Variants in LANCL3 observed in about 807,000 individuals in gnomAD.
LANCL3 encodes LanC like family member 3.
A neutral mutation model predicts 26.5 loss-of-function variants in LANCL3; 19 were observed. The observed-to-expected ratio is 0.72, with a 90% CI of 0.50 to 1.05. LANCL3 has a LOEUF of 1.05. Among genes scored for constraint, LANCL3 ranks in the 50% least tolerant of loss-of-function variants. The pLI is 0.00. For synonymous variants in LANCL3, 160 were observed against 166.6 expected (o/e 0.96, Z 0.30); for missense variants, 318 against 362.7 (o/e 0.88, Z 1.00).
At chrX:37,653,841 A>G (rs1373389383) in intron 1 of LANCL3, among the ~76,000 whole-genome samples, 2 of 110,856 alleles carry the variant, frequency 1.8e-5, no homozygotes, top group Non-Finnish European at 3.8e-5. Flanking sequence ...TAGGAGGAGT[A>G]CACTTAAGAG....
intron 1 of LANCL3, among the ~76,000 whole-genome samples, chrX:37,609,243 T>C (rs1924796755): frequency 2.7e-5 from 3 of 112,024 alleles, no homozygotes; most frequent in African/African-American, 6.5e-5. Context: ...AGATGCCGTC[T>C]TTATTGTACC....
In LANCL3 at chrX:37,681,669, A is replaced by T. The variant is rs1250333772; in HGVS notation, c.*5856A>T. On this transcript the variant is annotated 3_prime_UTR_variant, in exon 5 of 5. Transcript: ENST00000378619. ...AAAGATTGAGTAAACTCTCCTGGGT[A>T]AAAAAACCTGTTTGACGTTGTTTAG... 1 of 112,229 alleles carries T rather than the reference A, an allele frequency of 8.9e-6. No individual in the cohort carries two copies. Among genetic ancestry groups the T allele is most frequent in the Non-Finnish European group, 1.9e-5 (1 of 53,198 alleles). The allele number at this position is 112,229 out of a possible 1,213,427, so 9.2% of individuals were successfully genotyped here. A position where few individuals can be genotyped will look rare whatever the true frequency, so the allele number is the denominator to read the frequency against.
In LANCL3 at chrX:37,655,632, G is replaced by T. The variant is rs1228712860; in HGVS notation, c.574-56G>T. ...GACTTCTTAAGCAAGAAAATTCAGT[G>T]TCTAAGGAAAAAGGAGATCCTGCTT... On this transcript the variant is annotated intron_variant, in intron 1 of 4. Transcript: ENST00000378619. The T allele has an allele frequency of 2.8e-6, 3 of 1,076,855 alleles. No homozygotes were observed. In the African/African-American group the frequency reaches 5.7e-5, roughly 20 times the overall value. The allele number at this position is 1,076,855 out of a possible 1,213,427, so 88.7% of individuals were successfully genotyped here.
intron 1 of LANCL3, among the ~76,000 whole-genome samples, chrX:37,640,076 A>G (rs1925824052): frequency 8.9e-6 from 1 of 112,255 alleles, no homozygotes; most frequent in South Asian, 3.7e-4. Flanking sequence ...CAAATTATGG[A>G]CAGTGGCAGA....
At chrX:37,577,741 A>G (rs1302370319) in intron 1 of LANCL3, among the ~76,000 whole-genome samples, 3 of 111,953 alleles carry the variant, frequency 2.7e-5, no homozygotes, top group African/African-American at 6.5e-5. Flanking sequence ...ACCTAAGGTA[A>G]TTCTGAATAT....
intron 3 of LANCL3, among the ~76,000 whole-genome samples, chrX:37,666,996 C>T (rs180809842): frequency 7.1e-5 from 8 of 111,919 alleles, no homozygotes; most frequent in African/African-American, 2.3e-4. Context: ...AAATGTTGCT[C>T]TTTCTCCCGG....
chrX:37,611,297 A>G (rs1423625123), intron 1 of LANCL3, among the ~76,000 whole-genome samples: 1 of 111,742 alleles, frequency 8.9e-6, no homozygotes, highest in Non-Finnish European at 1.9e-5. Context: ...AGTGCTGATT[A>G]GCCTTCTCTC....
intron 1 of LANCL3, among the ~76,000 whole-genome samples, chrX:37,653,294 G>GCA (rs781985535): frequency 0.014 from 1,575 of 108,786 alleles, 28 homozygotes; most frequent in African/African-American, 0.048. Flanking sequence ...ACACAGACAT[G>GCA]CACACACACA....
At chrX:37,589,292 C>T (rs6609052) in intron 1 of LANCL3, among the ~76,000 whole-genome samples, 2 of 111,749 alleles carry the variant, frequency 1.8e-5, no homozygotes, top group East Asian at 2.8e-4. Flanking sequence ...TTGGGATTGT[C>T]AGACTCCACT....
chrX:37,603,010 CT>C (rs1369986646), intron 1 of LANCL3, among the ~76,000 whole-genome samples: 1 of 111,168 alleles, frequency 9.0e-6, no homozygotes, highest in Non-Finnish European at 1.9e-5. Context: ...AAAAGACAAA[CT>C]TTAATTTAGT....
chrX:37,631,100 A>T (rs962336560), intron 1 of LANCL3, among the ~76,000 whole-genome samples: 51 of 111,656 alleles, frequency 4.6e-4, no homozygotes, highest in Admixed American at 3.9e-3. Context: ...TTTCGTTGGT[A>T]AGCTATTGAT....
chrX:37,652,630 G>A (rs1274668075), intron 1 of LANCL3, among the ~76,000 whole-genome samples: 1 of 112,180 alleles, frequency 8.9e-6, no homozygotes, highest in Non-Finnish European at 1.9e-5. Context: ...GAATAATTTG[G>A]GTTTGTTTGG....
chrX:37,674,593 C>T (rs782341590), intron 4 of LANCL3, among the ~76,000 whole-genome samples: 19 of 111,437 alleles, frequency 1.7e-4, no homozygotes, highest in Admixed American at 1.9e-4. Context: ...TCTTACGATG[C>T]ATTAATAGTC....
chrX:37,622,359 A>AGAT (rs1192981052), intron 1 of LANCL3, among the ~76,000 whole-genome samples: 2 of 107,968 alleles, frequency 1.9e-5, no homozygotes, highest in African/African-American at 6.9e-5. Flanking sequence ...ATGATAATGG[A>AGAT]GATTGTGCAA....
chrX:37,631,511 T>G (rs1401266408), intron 1 of LANCL3, among the ~76,000 whole-genome samples: 1 of 111,588 alleles, frequency 9.0e-6, no homozygotes, highest in Non-Finnish European at 1.9e-5. Context: ...ATGTGTTTGC[T>G]CTTGCTTTTC....
intron 1 of LANCL3, among the ~76,000 whole-genome samples, chrX:37,580,112 T>C (rs1170905338): frequency 8.9e-6 from 1 of 111,874 alleles, no homozygotes; most frequent in Non-Finnish European, 1.9e-5. Context: ...TTTCATACTG[T>C]GTAAGTAAAG....
intron 2 of LANCL3, among the ~76,000 whole-genome samples, chrX:37,658,145 C>T (rs1270600938): frequency 2.7e-5 from 3 of 112,257 alleles, no homozygotes; most frequent in Non-Finnish European, 5.6e-5. Context: ...AGACTTTGCT[C>T]AGATGACACT....
chrX:37,652,292 C>CT (rs1176981396), intron 1 of LANCL3, among the ~76,000 whole-genome samples: 5 of 107,121 alleles, frequency 4.7e-5, no homozygotes, highest in Non-Finnish European at 7.8e-5. Flanking sequence ...TTTTTATTGA[C>CT]TTTTTTTTTT....
chrX:37,604,965 A>G (rs1046864777), intron 1 of LANCL3, among the ~76,000 whole-genome samples: 4 of 112,558 alleles, frequency 3.6e-5, no homozygotes, highest in African/African-American at 6.5e-5. Flanking sequence ...TGAGAGATGC[A>G]TTGAGATGTG....
Sources: gnomAD v4.1 joint callset for allele counts (sites outside exome capture counted in the v4.1 genomes callset) on GRCh38, gnomAD v4.1.1 for gene constraint, MANE v1.5 for transcripts, NCBI Gene and HGNC (gene_info 2026-07-23, HGNC 2026-07-21) for gene names.